Variants in JAZF1 observed in about 807,000 individuals in gnomAD.
JAZF1 encodes the protein JAZF zinc finger 1, also known as juxtaposed with another zinc finger protein 1.
In JAZF1, 8 loss-of-function variants were observed where a neutral mutation model predicts 26.4. The observed-to-expected ratio is 0.30, with a 90% confidence interval of 0.18 to 0.55. JAZF1 has a LOEUF of 0.55. Among genes scored for constraint, JAZF1 ranks in the 20% least tolerant of loss-of-function variants. JAZF1 has a pLI of 0.94. For missense variants in JAZF1, 199 were observed against 322.0 expected (o/e 0.62, Z 2.92); for synonymous variants, 126 against 122.3 (o/e 1.03, Z -0.20).
chr7:27,937,440 C>T (rs1471928218), intron 2 of JAZF1, among the ~76,000 whole-genome samples: 2 of 152,302 alleles, frequency 1.3e-5, no homozygotes, highest in African/African-American at 2.4e-5. Context: ...TCAATAGAGG[C>T]GGTTGCCATT....
chr7:28,004,439 A>G (rs750604011), intron 1 of JAZF1, among the ~76,000 whole-genome samples: 11 of 152,136 alleles, frequency 7.2e-5, no homozygotes, highest in Non-Finnish European at 1.3e-4. Flanking sequence ...ACCCATCCCC[A>G]AAGATTCTAA....
intron 2 of JAZF1, among the ~76,000 whole-genome samples, chr7:27,901,377 G>A (rs1784158112): frequency 6.6e-6 from 1 of 152,132 alleles, no homozygotes; most frequent in African/African-American, 2.4e-5. Context: ...GCTCAACGTG[G>A]AAACATGAAT....
chr7:28,129,277 T>C (rs73298702), intron 1 of JAZF1, among the ~76,000 whole-genome samples: 1 of 151,944 alleles, frequency 6.6e-6, no homozygotes, highest in Non-Finnish European at 1.5e-5. Flanking sequence ...AGTCTGAAGA[T>C]GAAAAAAGAG....
At chr7:27,891,882 A>T (rs1455134341) in intron 3 of JAZF1, among the ~76,000 whole-genome samples, 1 of 152,208 alleles carries the variant, frequency 6.6e-6, no homozygotes, top group East Asian at 1.9e-4. Flanking sequence ...CATTGATTCC[A>T]ACTATACCTA....
At chr7:27,837,342 G>A (rs1321222937) in intron 4 of JAZF1, among the ~76,000 whole-genome samples, 1 of 152,366 alleles carries the variant, frequency 6.6e-6, no homozygotes, top group East Asian at 1.9e-4. Flanking sequence ...GGTGGGCTCA[G>A]TGGTTGTGGC....
At chr7:28,009,145 G>A (rs553218651) in intron 1 of JAZF1, among the ~76,000 whole-genome samples, 10 of 152,018 alleles carry the variant, frequency 6.6e-5, no homozygotes, top group African/African-American at 2.4e-4. Context: ...CTTAAGATGA[G>A]GTTTAATGCT....
intron 1 of JAZF1, among the ~76,000 whole-genome samples, chr7:28,126,492 T>C (rs1049856507): frequency 1.4e-5 from 2 of 142,210 alleles, no homozygotes; most frequent in East Asian, 4.1e-4. Flanking sequence ...TGCACAGACC[T>C]AAAGGAAAAG....
chr7:28,144,931 AAT>A (rs1223065444), intron 1 of JAZF1, among the ~76,000 whole-genome samples: 1 of 152,232 alleles, frequency 6.6e-6, no homozygotes, highest in Non-Finnish European at 1.5e-5. Flanking sequence ...ACTTAAAATT[AAT>A]TTTGGTTGGA....
At chr7:28,074,102 C>T (rs552512586) in intron 1 of JAZF1, among the ~76,000 whole-genome samples, 2 of 152,168 alleles carry the variant, frequency 1.3e-5, no homozygotes, top group Non-Finnish European at 2.9e-5. Flanking sequence ...CTAAGTGCCT[C>T]ATGTCTACCT....
At chr7:27,852,977 T>C (rs1783178817) in intron 3 of JAZF1, among the ~76,000 whole-genome samples, 1 of 152,218 alleles carries the variant, frequency 6.6e-6, no homozygotes, top group African/African-American at 2.4e-5. Context: ...ATCAAAGTTA[T>C]AATTGCATGC....
At chr7:27,853,190 T>C (rs1043040333) in intron 3 of JAZF1, among the ~76,000 whole-genome samples, 12 of 152,220 alleles carry the variant, frequency 7.9e-5, no homozygotes, top group African/African-American at 2.9e-4. Flanking sequence ...TTTGATCTTT[T>C]ACATCCTCCC....
intron 3 of JAZF1, among the ~76,000 whole-genome samples, chr7:27,865,301 G>C (rs1343880405): frequency 6.6e-6 from 1 of 152,138 alleles, no homozygotes; most frequent in Non-Finnish European, 1.5e-5. Flanking sequence ...GCCTGGGGAG[G>C]TTGAGGCTGC....
At chr7:27,964,578 C>T (rs1022679764) in intron 2 of JAZF1, among the ~76,000 whole-genome samples, 1 of 151,814 alleles carries the variant, frequency 6.6e-6, no homozygotes, top group African/African-American at 2.4e-5. Flanking sequence ...AAATGATCCA[C>T]CCCTACCACC....
chr7:27,956,491 C>G lies in JAZF1; in HGVS notation c.188+35418G>C, dbSNP rs546475368. On this transcript the variant is annotated intron_variant, in intron 2 of 4. Transcript: ENST00000283928. The stretch of plus-strand genomic sequence containing the variant: ...TAGTCAATGCCCTTGAACCTCATGA[C>G]TTGCTCATTATTATTCCCTAATATC... Among the ~76,000 whole-genome samples, 8 of 152,308 alleles carry G rather than the reference C, an allele frequency of 5.3e-5. No individual in the cohort carries two copies. In the East Asian group the frequency reaches 9.6e-4, roughly 18 times the overall value.
intron 3 of JAZF1, among the ~76,000 whole-genome samples, chr7:27,878,478 T>A (rs1247260290): frequency 6.6e-6 from 1 of 152,238 alleles, no homozygotes; most frequent in Non-Finnish European, 1.5e-5. Flanking sequence ...GCTGGTTATA[T>A]CTTACCAATT....
At chr7:27,907,431 A>T (rs2128344322) in intron 2 of JAZF1, among the ~76,000 whole-genome samples, 2 of 152,316 alleles carry the variant, frequency 1.3e-5, no homozygotes, top group Non-Finnish European at 2.9e-5. Context: ...GAGAATTCTT[A>T]CATAAGAGGT....
intron 1 of JAZF1, among the ~76,000 whole-genome samples, chr7:28,149,741 G>A (rs1271413478): frequency 6.6e-6 from 1 of 152,202 alleles, no homozygotes; most frequent in East Asian, 1.9e-4. Flanking sequence ...TAAAACGAAT[G>A]TATCTGCTGA....
chr7:27,957,904 C>T (rs1481985239), intron 2 of JAZF1, among the ~76,000 whole-genome samples: 7 of 152,088 alleles, frequency 4.6e-5, no homozygotes, highest in East Asian at 1.9e-4. Flanking sequence ...ACATATCTAA[C>T]GTGCCCACCA....
intron 2 of JAZF1, among the ~76,000 whole-genome samples, chr7:27,908,502 G>C (rs1784302032): frequency 6.6e-6 from 1 of 152,036 alleles, no homozygotes; most frequent in African/African-American, 2.4e-5. Context: ...AACTACTTCT[G>C]AACTTAAAAG....
Sources: gnomAD v4.1 joint callset for allele counts (sites outside exome capture counted in the v4.1 genomes callset) on GRCh38, gnomAD v4.1.1 for gene constraint, MANE v1.5 for transcripts, NCBI Gene and HGNC (gene_info 2026-07-23, HGNC 2026-07-21) for gene names.